The following PCNT variants were observed in gnomAD, a reference collection of about 807,000 sequenced individuals.
The protein encoded by PCNT is kendrin.
In PCNT, 319 loss-of-function variants were observed where a neutral mutation model predicts 380.4. That is an observed-to-expected ratio of 0.84 (90% confidence interval 0.77 to 0.92). The LOEUF (loss-of-function observed/expected upper bound fraction) is 0.92. Ranked by LOEUF, PCNT falls within the 40% of genes least tolerant of loss-of-function variation. PCNT has a pLI of 0.00. For missense variants in PCNT, 4,400 were observed against 4,255.3 expected (o/e 1.03, Z -0.95); for synonymous variants, 1,845 against 1,735.2 (o/e 1.06, Z -1.57).
Position 46,411,498 on chromosome 21 carries a change from C to T in PCNT, c.5425C>T (p.Gln1809Ter). ...KEALSRLLAD[Q>*]ERRHSQALEA... ...GGCCCTGAGCCGGCTGCTGGCTGACCAGGAGCGCAGGCACAGCCAGGCCCT... is the reference window on the plus strand; with the variant it reads ...GGCCCTGAGCCGGCTGCTGGCTGACTAGGAGCGCAGGCACAGCCAGGCCCT... Residue 1809 changes from glutamine to a stop codon, truncating the protein, a stop_gained, in exon 28 of 47, where the codon CAG (glutamine) becomes TAG (stop). Coordinates refer to ENST00000359568, the MANE Select transcript of PCNT (RefSeq NM_006031.6). LOFTEE classifies it high-confidence loss of function. The T allele has an allele frequency of 6.2e-7, 1 of 1,609,326 alleles. No homozygotes were observed. Among genetic ancestry groups the T allele is most frequent in the Non-Finnish European group, 8.5e-7 (1 of 1,178,464 alleles).
chr21:46,393,266 TC>T (rs1365656850), intron 21 of PCNT, among the ~76,000 whole-genome samples: 1 of 152,186 alleles, frequency 6.6e-6, no homozygotes, highest in East Asian at 1.9e-4. Context: ...TGACTCGAGA[TC>T]CTGTTTCTTT....
At chr21:46,324,684 C>T (rs547450455) in intron 1 of PCNT, among the ~76,000 whole-genome samples, 45 of 152,106 alleles carry the variant, frequency 3.0e-4, no homozygotes, top group African/African-American at 1.0e-3. Flanking sequence ...GCGCTGGACC[C>T]CAGGCTGGAT....
In PCNT at chr21:46,431,567, C is replaced by T. The variant is rs759312582; in HGVS notation, c.8103C>T (p.Ser2701=). ...CTTTGGAGACACAGCGTGCTCAGAGCAGTCGACTCTGCGTGGCACTGAAAC... is the reference window on the plus strand; with the variant it reads ...CTTTGGAGACACAGCGTGCTCAGAGTAGTCGACTCTGCGTGGCACTGAAAC... ...RASLETQRAQ[S]SRLCVALKHE... The change falls in exon 38 of 47, where the codon AGC becomes AGT. Residue 2701 remains serine, a synonymous_variant. Transcript: ENST00000359568. 6.2e-7 allele frequency: 1 copy of T among 1,613,940 alleles called. No homozygotes were observed. The highest frequency in any genetic ancestry group is 8.5e-7 in the Non-Finnish European group (1 of 1,179,964).
At chr21:46,397,540 C>A (rs552803144) in intron 22 of PCNT, 46 bp downstream of exon 22, 3 of 1,488,764 alleles carry the variant, frequency 2.0e-6, no homozygotes, top group South Asian at 1.1e-5. Context: ...TAAAAGTTGC[C>A]GTTACAGCAT....
chr21:46,354,104 G>C, intron 11 of PCNT, 36 bp downstream of exon 11: 1 of 1,569,766 alleles, frequency 6.4e-7, no homozygotes, highest in Non-Finnish European at 8.8e-7. Flanking sequence ...GGGGAGTCCT[G>C]TGCTCTTGAC....
intron 26 of PCNT, 40 bp downstream of exon 26, chr21:46,401,761 T>G: frequency 6.2e-7 from 1 of 1,608,868 alleles, no homozygotes; most frequent in African/African-American, 1.3e-5. Context: ...CAGCCCTGGG[T>G]CAGTGTCCAG....
At chr21:46,385,108 A>T (rs2085784646) in intron 16 of PCNT, among the ~76,000 whole-genome samples, 1 of 152,160 alleles carries the variant, frequency 6.6e-6, no homozygotes, top group Non-Finnish European at 1.5e-5. Context: ...TAATCCCAGC[A>T]CTTCGGGAGG....
At chr21:46,382,660 G>A (rs1296486004) in intron 16 of PCNT, among the ~76,000 whole-genome samples, 50 of 124,678 alleles carry the variant, frequency 4.0e-4, no homozygotes, top group African/African-American at 1.2e-3. Context: ...TGGCGGAAGC[G>A]CATTCACGGT....
chr21:46,353,836 G>A, intron 10 of PCNT, 151 bp from the exon 11 acceptor site: 2 of 710,168 alleles, frequency 2.8e-6, no homozygotes, highest in Non-Finnish European at 5.1e-6. Context: ...CTTTGTGACT[G>A]CCACGGCTCC....
intron 14 of PCNT, among the ~76,000 whole-genome samples, chr21:46,365,752 A>G (rs527927357): frequency 2.8e-4 from 33 of 118,778 alleles, no homozygotes; most frequent in African/African-American, 9.7e-4. Context: ...GTGGGGTTCT[A>G]TTCATTCACT....
chr21:46,352,342 A>C (rs1344676948), intron 9 of PCNT, among the ~76,000 whole-genome samples: 1 of 152,094 alleles, frequency 6.6e-6, no homozygotes, highest in South Asian at 2.1e-4. Context: ...AGCTGAGAGC[A>C]TGTCGATTTA....
chr21:46,427,943 ACGCT>A, intron 34 of PCNT, 148 bp downstream of exon 34: 2 of 838,058 alleles, frequency 2.4e-6, no homozygotes, highest in Non-Finnish European at 3.8e-6. Flanking sequence ...CCAGGTGTTG[ACGCT>A]CAGTCCATGC....
intron 41 of PCNT, 63 bp from the exon 42 acceptor site, chr21:46,440,020 G>T: frequency 6.2e-7 from 1 of 1,601,436 alleles, no homozygotes; most frequent in South Asian, 1.1e-5. Flanking sequence ...CCCCGGCTGC[G>T]TCTCTAAGAT....
chr21:46,357,034 G>A lies in PCNT; in HGVS notation c.1997G>A (p.Arg666Gln), dbSNP rs370485278. 7 of 1,614,226 alleles carry A rather than the reference G, an allele frequency of 4.3e-6. No homozygotes were observed. Among genetic ancestry groups the A allele is most frequent in the South Asian group, 3.3e-5 (3 of 91,090 alleles). ...QDGDLEADTERAARVLGLETE... is the reference protein window; with the variant it reads ...QDGDLEADTEQAARVLGLETE... ...GGGGACTTGGAGGCCGACACAGAGC[G>A]GGCAGCCAGAGTCTTGGGTCTGGAA... is the stretch of plus-strand genomic sequence containing the variant. The change falls in exon 13 of 47, where the codon CGG becomes CAG. Residue 666 changes from arginine to glutamine, a missense_variant. Transcript: ENST00000359568.
chr21:46,327,819 G>C (rs2083439255), intron 2 of PCNT, among the ~76,000 whole-genome samples: 1 of 152,242 alleles, frequency 6.6e-6, no homozygotes, highest in African/African-American at 2.4e-5. Context: ...AGGTGTTGCA[G>C]ACATGGTGTG....
At position 46,444,725 on chromosome 21, in the gene PCNT, A is replaced by G. The variant is rs147637351; in HGVS notation, c.9871A>G (p.Arg3291Gly). The change falls in exon 46 of 47, where the codon AGA becomes GGA. Residue 3291 changes from arginine (R) to glycine (G), a missense_variant. By Grantham distance (125) the Arg-to-Gly change is moderately radical (BLOSUM62 -2). Coordinates refer to ENST00000359568, the MANE Select transcript of PCNT (RefSeq NM_006031.6). ...TCCATCCCCAAATTCAAGATTAGAA[A>G]GATCCCTGACTGCTTCTCAAGATCC... The part of the protein sequence containing the change: ...ATPSPNSRLE[R>G]SLTASQDPEH... 40 of 1,613,364 alleles carry G rather than the reference A, an allele frequency of 2.5e-5. No individual in the cohort carries two copies. The African/African-American group carries it at 3.5e-4, about 14-fold the overall frequency.
intron 40 of PCNT, 72 bp downstream of exon 40, chr21:46,437,153 T>C: frequency 1.0e-6 from 1 of 975,806 alleles, no homozygotes; most frequent in Non-Finnish European, 1.6e-6. Context: ...AGCTTTGTGG[T>C]TCTTTTTCAC....
chr21:46,388,978 C>T lies in PCNT; in HGVS notation c.3607+94C>T, dbSNP rs2085938838. ...GAGGAGCCTCCGTATTGGGCGATGC[C>T]CTTGGGAGCACTGCCGTCCTGGTTT... is the stretch of plus-strand genomic sequence containing the variant. On this transcript the variant is annotated intron_variant, in intron 18 of 46. Coordinates refer to ENST00000359568, the MANE Select transcript of PCNT (RefSeq NM_006031.6). The surrounding 1 kb of genome is among the most constrained non-coding windows in gnomAD (Gnocchi z 4.2). The T allele has an allele frequency of 2.0e-6, 3 of 1,501,910 alleles. No individual in the cohort carries two copies. Among genetic ancestry groups the T allele is most frequent in the South Asian group, 1.2e-5 (1 of 83,278 alleles). The allele number at this position is 1,501,910 out of a possible 1,614,324, so 93.0% of individuals were successfully genotyped here.
At position 46,425,223 on chromosome 21, in the gene PCNT, C is replaced by T. The variant is rs1033311655; in HGVS notation, c.7180-608C>T. On this transcript the variant is annotated intron_variant, in intron 32 of 46. Transcript: ENST00000359568. The surrounding 1 kb of genome is among the most constrained non-coding windows in gnomAD (Gnocchi z 4.2). Reference sequence around the variant, plus strand: ...TCTGGCGAGACAGTCAAGTGTGTGTCCGGACACCAGCTGCTGCGTAATCGG... The same window carrying T: ...TCTGGCGAGACAGTCAAGTGTGTGTTCGGACACCAGCTGCTGCGTAATCGG... Among the ~76,000 whole-genome samples the T allele has an allele frequency of 1.3e-5, 2 of 152,152 alleles. No homozygotes were observed. The highest frequency in any genetic ancestry group is 1.3e-4 in the Admixed American group (2 of 15,272).
Sources: gnomAD v4.1 joint callset for allele counts (sites outside exome capture counted in the v4.1 genomes callset) on GRCh38, gnomAD v4.1.1 for gene constraint, Gnocchi (gnomAD v3.1) non-coding constraint, MANE v1.5 for transcripts, NCBI Gene and HGNC (gene_info 2026-07-23, HGNC 2026-07-21) for gene names.